PGAM5: variants seen among roughly 807,000 people sequenced by gnomAD.
PGAM5 encodes serine/threonine-protein phosphatase PGAM5, mitochondrial.
In PGAM5, 25 loss-of-function variants were observed where a neutral mutation model predicts 30.6. The ratio of observed to expected loss-of-function variants is 0.82; its 90% CI spans 0.60 to 1.14. PGAM5 has a LOEUF of 1.14. PGAM5 is among the 50% of genes most tolerant of loss of function. PGAM5 has a pLI of 0.00. For synonymous variants in PGAM5, 201 were observed against 179.1 expected (o/e 1.12, Z -0.98); for missense variants, 384 against 408.5 (o/e 0.94, Z 0.52).
At chr12:132,715,809 G>A (rs2043571149) in intron 2 of PGAM5, among the ~76,000 whole-genome samples, 2 of 152,008 alleles carry the variant, frequency 1.3e-5, no homozygotes. Flanking sequence ...ACCCTGGGAG[G>A]TGGAGGTTGC....
rs773718604 is a variant in PGAM5, at chr12:132,714,934, G to C, written c.268G>C (p.Asp90His). The change falls in exon 2 of 6, where the codon GAC (aspartate) becomes CAC (histidine). Residue 90 changes from aspartate to histidine, a missense_variant. Transcript: ENST00000498926. ...SGEEELASKLDHYKAKATRHI... is the reference protein window; with the variant it reads ...SGEEELASKLHHYKAKATRHI... ...GGAAGAAGAGCTGGCGTCCAAGCTG[G>C]ACCACTACAAAGCCAAGGCCACGCG... is the stretch of plus-strand genomic sequence containing the variant. 65 of 1,613,566 alleles carry C rather than the reference G, an allele frequency of 4.0e-5. No homozygotes were observed. Among genetic ancestry groups the C allele is most frequent in the Non-Finnish European group, 5.3e-5 (63 of 1,180,010 alleles).
chr12:132,717,287 G>T, intron 2 of PGAM5, 152 bp from the exon 3 acceptor site: 1 of 861,788 alleles, frequency 1.2e-6, no homozygotes, highest in Admixed American at 3.2e-5. Flanking sequence ...GCCTGATCAG[G>T]GGTCGTGTTT....
chr12:132,715,976 T>C (rs371773736), intron 2 of PGAM5, among the ~76,000 whole-genome samples: 2 of 152,232 alleles, frequency 1.3e-5, no homozygotes, highest in South Asian at 2.1e-4. Flanking sequence ...TTATACCTGC[T>C]TGATGCCTTG....
Position 132,720,974 on chromosome 12 carries a change from G to C in PGAM5, c.*146G>C, listed in dbSNP as rs927562434. On this transcript the variant is annotated 3_prime_UTR_variant, in exon 6 of 6. Coordinates refer to ENST00000498926, the MANE Select transcript of PGAM5 (RefSeq NM_001170543.2). ...TGACCAGGCTGAGAAGGGGAGAGTT[G>C]GGATCAGACAGCCTGACTTCTCTGC... 8.7e-6 allele frequency: 9 copies of C among 1,030,548 alleles called. No homozygotes were observed. Among genetic ancestry groups the C allele is most frequent in the African/African-American group, 6.5e-5 (4 of 61,788 alleles). 63.8% of individuals were successfully genotyped at this position (1,030,548 alleles called of 1,614,324 possible).
At position 132,718,013 on chromosome 12, in the gene PGAM5, C is replaced by T. The variant is rs745896136; in HGVS notation, c.612C>T (p.Ile204=). 6.8e-6 allele frequency: 11 copies of T among 1,612,790 alleles called. No individual in the cohort carries two copies. Among genetic ancestry groups the T allele is most frequent in the East Asian group, 6.7e-5 (3 of 44,830 alleles). ...AGTATTACGAAGACGGAGCCCGGAT[C>T]GAGGCCGCCTTCCGGAACTACATCC... The part of the protein sequence containing the change: ...AVQYYEDGAR[I]EAAFRNYIHR... Residue 204 remains isoleucine (I), a synonymous_variant, in exon 5 of 6, where the codon ATC becomes ATT. Transcript: ENST00000498926.
intron 1 of PGAM5, among the ~76,000 whole-genome samples, chr12:132,713,727 G>C (rs1386910687): frequency 2.0e-5 from 3 of 152,200 alleles, no homozygotes; most frequent in African/African-American, 7.2e-5. Context: ...CTGGAGTGCA[G>C]TGCAGTGCAG....
rs2043639688 is a variant in PGAM5 at position 132,721,020 on chromosome 12, G to A, written c.*192G>A. 1 of 649,270 alleles carries A rather than the reference G, an allele frequency of 1.5e-6. No homozygotes were observed. Among genetic ancestry groups the A allele is most frequent in the Non-Finnish European group, 2.5e-6 (1 of 401,466 alleles). The allele number at this position is 649,270 out of a possible 1,614,324, so 40.2% of individuals were successfully genotyped here. On this transcript the variant is annotated 3_prime_UTR_variant, in exon 6 of 6. Coordinates refer to ENST00000498926, the MANE Select transcript of PGAM5 (RefSeq NM_001170543.2). ...TCTGCAGGGTTTTATACCTGACCAT[G>A]AACCCCCAGGATGGCGTGGGGTTTA...
chr12:132,716,159 C>T (rs11147012), intron 2 of PGAM5, among the ~76,000 whole-genome samples: 55,632 of 151,520 alleles, frequency 0.37, 12,216 homozygotes, highest in Non-Finnish European at 0.49. Context: ...GATCTTGGCC[C>T]GCTGCAACCT....
intron 5 of PGAM5, among the ~76,000 whole-genome samples, chr12:132,719,817 A>G (rs1163836057): frequency 6.6e-6 from 1 of 152,240 alleles, no homozygotes; most frequent in Non-Finnish European, 1.5e-5. Context: ...TGGGTGGCTC[A>G]GAGGCGATGA....
rs138459062 is a variant in PGAM5 at position 132,714,558 on chromosome 12, C to T, written c.192-300C>T. 8.5e-5 allele frequency among the ~76,000 whole-genome samples: 13 copies of T among 152,306 alleles called. No homozygotes were observed. The East Asian group carries it at 1.7e-3, about 20-fold the overall frequency. ...CTGGCGTTCTCCGTAACCACAGTTG[C>T]GTTTGGGGTAGTCTGTCTCCTGCTG... is the stretch of plus-strand genomic sequence containing the variant. On this transcript the variant is annotated intron_variant, in intron 1 of 5. Transcript: ENST00000498926.
At chr12:132,718,972 C>G in intron 5 of PGAM5, 14 of 1,478,226 alleles carry the variant, frequency 9.5e-6, no homozygotes, top group Non-Finnish European at 1.3e-5. Context: ...GTGCCCCACT[C>G]TCAGCACCAC....
intron 2 of PGAM5, among the ~76,000 whole-genome samples, chr12:132,716,417 G>A (rs1319925742): frequency 6.6e-6 from 1 of 151,292 alleles, no homozygotes; most frequent in East Asian, 2.0e-4. Flanking sequence ...TTTTAGTAGA[G>A]ATGGGGTTTC....
intron 2 of PGAM5, among the ~76,000 whole-genome samples, chr12:132,716,865 A>C (rs1437046331): frequency 6.6e-6 from 1 of 152,170 alleles, no homozygotes; most frequent in Admixed American, 6.5e-5. Context: ...TGCACAAAGA[A>C]AGTGGAGTGA....
At chr12:132,718,191 G>A (rs920282957) in intron 5 of PGAM5, 71 bp downstream of exon 5, 35 of 1,581,154 alleles carry the variant, frequency 2.2e-5, no homozygotes, top group African/African-American at 4.0e-5. Flanking sequence ...GGAAGAAGCC[G>A]AGCGAGACCC....
chr12:132,714,428 A>G (rs1294585982), intron 1 of PGAM5, among the ~76,000 whole-genome samples: 3 of 152,218 alleles, frequency 2.0e-5, no homozygotes, highest in Admixed American at 2.0e-4. Context: ...GCTGTTGGGC[A>G]TTGCAGTTCT....
At chr12:132,717,305 G>A in intron 2 of PGAM5, 134 bp from the exon 3 acceptor site, 8 of 1,101,366 alleles carry the variant, frequency 7.3e-6, no homozygotes, top group Non-Finnish European at 9.0e-6. Context: ...TTTGCGGGCG[G>A]AGGAGGGGGT....
chr12:132,715,464 G>T (rs1041796572), intron 2 of PGAM5, among the ~76,000 whole-genome samples: 1 of 149,424 alleles, frequency 6.7e-6, no homozygotes, highest in African/African-American at 2.5e-5. Flanking sequence ...CCAGCTACTC[G>T]GGAAGCTGAG....
chr12:132,717,636 C>T, intron 3 of PGAM5, 72 bp downstream of exon 3: 1 of 1,592,252 alleles, frequency 6.3e-7, no homozygotes, highest in Non-Finnish European at 8.6e-7. Context: ...GCCTGAGCTC[C>T]TGGCCACCGG....
At chr12:132,716,332 G>C (rs758681805) in intron 2 of PGAM5, among the ~76,000 whole-genome samples, 1 of 151,638 alleles carries the variant, frequency 6.6e-6, no homozygotes, top group African/African-American at 2.4e-5. Flanking sequence ...TGATCCACCC[G>C]CCTCGGCCTC....
Sources: gnomAD v4.1 joint callset for allele counts (sites outside exome capture counted in the v4.1 genomes callset) on GRCh38, gnomAD v4.1.1 for gene constraint, MANE v1.5 for transcripts, NCBI Gene and HGNC (gene_info 2026-07-23, HGNC 2026-07-21) for gene names.